Variants in GTF2IRD1 observed in about 807,000 individuals in gnomAD.
GTF2IRD1 encodes general transcription factor II-I repeat domain-containing protein 1.
Under a neutral mutation model 113.2 loss-of-function variants are expected in GTF2IRD1, and 26 were observed. That is an observed-to-expected ratio of 0.23 (90% CI 0.17 to 0.32). The LOEUF (loss-of-function observed/expected upper bound fraction) is 0.32, where lower values mean the gene tolerates loss of function less well. GTF2IRD1 is among the 10% of genes least tolerant of loss of function. GTF2IRD1 has a pLI of 1.00. For missense variants in GTF2IRD1, 864 were observed against 1,280.8 expected, an observed-to-expected ratio of 0.67 and a Z score of 4.97; for synonymous variants, 484 against 529.1, an observed-to-expected ratio of 0.91 and a Z score of 1.17.
chr7:74,458,413 G>A lies in GTF2IRD1; in HGVS notation c.-7+4237G>A, dbSNP rs551789330. On this transcript the variant is annotated intron_variant, in intron 1 of 26. Transcript: ENST00000424337. ...TGTAGATGTTGGGGGCTCCAGATAC[G>A]GCAGGAGGGGCCTGGCCTCTCGGAA... Among the ~76,000 whole-genome samples the A allele has an allele frequency of 4.9e-5, 7 of 143,850 alleles. No homozygotes were observed. The East Asian group carries it at 1.0e-3, about 21-fold the overall frequency. The allele number at this position is 143,850 out of a possible 152,430, so 94.4% of individuals were successfully genotyped here.
intron 25 of GTF2IRD1, 26 bp downstream of exon 25, chr7:74,595,077 C>G (rs1357396153): frequency 1.3e-6 from 2 of 1,561,564 alleles, no homozygotes; most frequent in Admixed American, 1.7e-5. Flanking sequence ...AGAAGCCACC[C>G]TTCTGCTCCG....
chr7:74,569,729 G>A lies in GTF2IRD1; in HGVS notation c.2320+10074G>A, dbSNP rs1800575252. 2.6e-5 allele frequency among the ~76,000 whole-genome samples: 4 copies of A among 152,310 alleles called. No individual in the cohort carries two copies. The South Asian group carries it at 8.3e-4, about 32-fold the overall frequency. ...GTCTGAACCCAGGCAGTGGGCAGCT[G>A]GGCCCCACGATGGATGGGGTTAGGA... On this transcript the variant is annotated intron_variant, in intron 22 of 26. Coordinates refer to ENST00000424337, the MANE Select transcript of GTF2IRD1 (RefSeq NM_005685.4).
rs781830865 is a variant in GTF2IRD1 at position 74,535,109 on chromosome 7, C to T, written c.1275-4C>T. 6.2e-7 allele frequency: 1 copy of T among 1,612,634 alleles called. No individual in the cohort carries two copies. The highest frequency in any genetic ancestry group is 8.5e-7 in the Non-Finnish European group (1 of 1,178,674). On this transcript the variant is annotated splice_polypyrimidine_tract_variant and splice_region_variant and intron_variant, in intron 9 of 26. Coordinates refer to ENST00000424337, the MANE Select transcript of GTF2IRD1 (RefSeq NM_005685.4). Reference sequence around the variant, plus strand: ...TCTCATGCCTGTCTCTCTTCTCTCCCCAGGATGTTTGATGAGCGAATTTTC... The same window carrying T: ...TCTCATGCCTGTCTCTCTTCTCTCCTCAGGATGTTTGATGAGCGAATTTTC...
chr7:74,519,801 AGGATGCCT>A lies in GTF2IRD1; in HGVS notation c.916+85_916+92del. 5 of 1,010,052 alleles carry A rather than the reference AGGATGCCT, an allele frequency of 5.0e-6. No homozygotes were observed. In the South Asian group the frequency reaches 7.9e-5, roughly 16 times the overall value. 62.6% of individuals were successfully genotyped at this position (1,010,052 alleles called of 1,614,324 possible). ...AGGGGACAGCCTCCCAGGGCAGGTCAGGATGCCTGGGCCCTCTTAGGTTGGAAGGAGCC... is the reference window on the plus strand; with the variant it reads ...AGGGGACAGCCTCCCAGGGCAGGTCAGGGCCCTCTTAGGTTGGAAGGAGCC... On this transcript the variant is annotated intron_variant, in intron 6 of 26. Coordinates refer to ENST00000424337, the MANE Select transcript of GTF2IRD1 (RefSeq NM_005685.4).
intron 1 of GTF2IRD1, among the ~76,000 whole-genome samples, chr7:74,488,817 A>G (rs1471516427): frequency 2.0e-5 from 3 of 151,514 alleles, no homozygotes; most frequent in Admixed American, 6.6e-5. Flanking sequence ...AGGAAAGAAG[A>G]AAAGAAACCT....
chr7:74,466,533 C>T (rs1336824847), intron 1 of GTF2IRD1, among the ~76,000 whole-genome samples: 4 of 152,110 alleles, frequency 2.6e-5, no homozygotes, highest in Non-Finnish European at 5.9e-5. Context: ...TACTGTGCTC[C>T]GTCTCGCTTC....
intron 8 of GTF2IRD1, among the ~76,000 whole-genome samples, chr7:74,525,902 C>A (rs998982851): frequency 6.6e-6 from 1 of 152,200 alleles, no homozygotes; most frequent in African/African-American, 2.4e-5. Flanking sequence ...ACGTCTGGGG[C>A]AGCCTCTGCG....
intron 1 of GTF2IRD1, among the ~76,000 whole-genome samples, chr7:74,476,139 A>C (rs1453243126): frequency 6.6e-6 from 1 of 152,112 alleles, no homozygotes; most frequent in Non-Finnish European, 1.5e-5. Context: ...GGACACTTAC[A>C]AGTCAACTAA....
At chr7:74,504,095 T>C (rs1384162084) in intron 1 of GTF2IRD1, among the ~76,000 whole-genome samples, 4 of 152,222 alleles carry the variant, frequency 2.6e-5, no homozygotes, top group African/African-American at 7.2e-5. Context: ...GATTTTGTTC[T>C]TTTTTATGGC....
chr7:74,528,360 G>A (rs1340458764), intron 8 of GTF2IRD1, among the ~76,000 whole-genome samples: 1 of 152,126 alleles, frequency 6.6e-6, no homozygotes, highest in Non-Finnish European at 1.5e-5. Flanking sequence ...ACAGGCCCAA[G>A]CCCGGCTAAT....
rs587697498 is a variant in GTF2IRD1 at position 74,540,044 on chromosome 7, C to T, written c.1618+76C>T. ...GCAAAGGGAAAGGGGTGGGCCAGGC[C>T]GTCCCCAGGTGTTTCTTGGTGTCAG... is the stretch of plus-strand genomic sequence containing the variant. On this transcript the variant is annotated intron_variant, in intron 14 of 26. Coordinates refer to ENST00000424337, the MANE Select transcript of GTF2IRD1 (RefSeq NM_005685.4). 22 of 1,030,956 alleles carry T rather than the reference C, an allele frequency of 2.1e-5. No individual in the cohort carries two copies. In the African/African-American group the frequency reaches 2.4e-4, roughly 11 times the overall value. 63.9% of individuals were successfully genotyped at this position (1,030,956 alleles called of 1,614,324 possible).
Position 74,600,610 on chromosome 7 carries a change from C to A in GTF2IRD1, c.2630-434C>A, listed in dbSNP as rs587611906. On this transcript the variant is annotated intron_variant, in intron 25 of 26. Transcript: ENST00000424337. Reference sequence around the variant, plus strand: ...CCTATAACCCCAGCTACTTGGGAGGCTCAGGCACTAGAATCGCTTGAACCC... The same window carrying A: ...CCTATAACCCCAGCTACTTGGGAGGATCAGGCACTAGAATCGCTTGAACCC... 3.9e-5 allele frequency among the ~76,000 whole-genome samples: 6 copies of A among 152,202 alleles called. No homozygotes were observed. The South Asian group carries it at 1.0e-3, about 26-fold the overall frequency.
chr7:74,574,968 T>C (rs1282959627), intron 22 of GTF2IRD1, among the ~76,000 whole-genome samples: 1 of 151,984 alleles, frequency 6.6e-6, no homozygotes, highest in Non-Finnish European at 1.5e-5. Context: ...CACACACCTA[T>C]AATCCCAGCT....
intron 8 of GTF2IRD1, among the ~76,000 whole-genome samples, chr7:74,528,210 A>G (rs1329811211): frequency 6.6e-6 from 1 of 152,078 alleles, no homozygotes; most frequent in African/African-American, 2.4e-5. Context: ...CAAGGCAGAA[A>G]ACAAAACCCC....
chr7:74,570,751 G>A (rs1218627165), intron 22 of GTF2IRD1, among the ~76,000 whole-genome samples: 2 of 152,176 alleles, frequency 1.3e-5, no homozygotes, highest in East Asian at 3.8e-4. Flanking sequence ...AGGCATTTAA[G>A]CAGAGGTTGA....
chr7:74,507,851 TAGG>T (rs1796384584), intron 1 of GTF2IRD1, among the ~76,000 whole-genome samples: 1 of 152,056 alleles, frequency 6.6e-6, no homozygotes, highest in South Asian at 2.1e-4. Flanking sequence ...TGTGCAGACT[TAGG>T]AGGGTGTGCC....
At chr7:74,568,132 C>T (rs1451473229) in intron 22 of GTF2IRD1, among the ~76,000 whole-genome samples, 1 of 150,448 alleles carries the variant, frequency 6.6e-6, no homozygotes, top group Admixed American at 6.6e-5. Context: ...TGATCTTCAG[C>T]AGATTCAGTA....
intron 19 of GTF2IRD1, among the ~76,000 whole-genome samples, chr7:74,557,362 C>G (rs1554357332): frequency 6.6e-6 from 1 of 152,326 alleles, no homozygotes; most frequent in East Asian, 1.9e-4. Context: ...TATGGTGTCC[C>G]TCCCCTCCGG....
chr7:74,498,790 A>G (rs1795867650), intron 1 of GTF2IRD1, among the ~76,000 whole-genome samples: 1 of 150,420 alleles, frequency 6.6e-6, no homozygotes, highest in Non-Finnish European at 1.5e-5. Flanking sequence ...GTGCAGTGGC[A>G]AGATCTCAGC....
Sources: allele counts gnomAD v4.1 joint callset (sites outside exome capture counted in the v4.1 genomes callset), GRCh38; gene constraint gnomAD v4.1.1; transcripts MANE v1.5; gene names NCBI Gene and HGNC (gene_info 2026-07-23, HGNC 2026-07-21).